NMRK1: variants seen among roughly 807,000 people sequenced by gnomAD.
NMRK1 encodes the protein nicotinamide riboside kinase 1, also known as NRK 1.
In NMRK1, 28 loss-of-function variants were observed where a neutral mutation model predicts 29.9. The ratio of observed to expected loss-of-function variants is 0.94; its 90% confidence interval spans 0.69 to 1.28. NMRK1 has a LOEUF of 1.28. NMRK1 is among the 50% of genes most tolerant of loss of function. The pLI is 0.00. For missense variants in NMRK1, 218 were observed against 233.1 expected (o/e 0.94, Z 0.42); for synonymous variants, 58 against 73.0 (o/e 0.79, Z 1.05).
In NMRK1 at chr9:75,062,639, T is replaced by C. The variant is rs1009418034; in HGVS notation, c.581-1072A>G. Among the ~76,000 whole-genome samples the C allele has an allele frequency of 2.0e-5, 3 of 152,240 alleles. No individual in the cohort carries two copies. The East Asian group carries it at 5.8e-4, about 29-fold the overall frequency. On this transcript the variant is annotated intron_variant, in intron 8 of 8. Transcript: ENST00000361092. ...TGCAGTCTTGTAAAAGACAGATTGA[T>C]GTGAACAGCAAAAAGACTGGATGTG...
chr9:75,078,321 C>T (rs754618780), intron 2 of NMRK1: 1 of 1,566,528 alleles, frequency 6.4e-7, no homozygotes, highest in Non-Finnish European at 8.7e-7. Context: ...TACAAGCCCA[C>T]CTACCATGAA....
Position 75,087,989 on chromosome 9 carries a change from C to A in NMRK1, c.-36+19G>T, listed in dbSNP as rs1824785664. 6.5e-6 allele frequency: 1 copy of A among 153,512 alleles called. No homozygotes were observed. The highest frequency in any genetic ancestry group is 1.4e-5 in the Non-Finnish European group (1 of 69,354). 9.5% of individuals were successfully genotyped at this position (153,512 alleles called of 1,614,324 possible). ...GCAAGGCGGCGCGGCGCGGCAGGGGCGAGCAGGTACGCACTCACCTGGCGC... is the reference window on the plus strand; with the variant it reads ...GCAAGGCGGCGCGGCGCGGCAGGGGAGAGCAGGTACGCACTCACCTGGCGC... On this transcript the variant is annotated intron_variant, in intron 1 of 8. Coordinates refer to ENST00000361092, the MANE Select transcript of NMRK1 (RefSeq NM_017881.3).
chr9:75,073,901 TTC>T (rs905360067), intron 4 of NMRK1, among the ~76,000 whole-genome samples: 5 of 152,142 alleles, frequency 3.3e-5, no homozygotes, highest in African/African-American at 2.4e-5. Context: ...AGTAACTCAT[TTC>T]TCTCTCTCTC....
intron 8 of NMRK1, among the ~76,000 whole-genome samples, chr9:75,066,547 G>T (rs745858539): frequency 1.1e-4 from 16 of 151,718 alleles, no homozygotes; most frequent in Non-Finnish European, 1.9e-4. Context: ...GTAACAAAGG[G>T]TACATGGTTT....
chr9:75,069,784 T>C lies in NMRK1; in HGVS notation c.347A>G (p.Tyr116Cys). 1.2e-6 allele frequency: 2 copies of C among 1,612,688 alleles called. No homozygotes were observed. ...TTCTTCATATGGAATAGTCAGGAAA[T>C]AGCTTCTATTCCATATAGTGTCAAG... is the stretch of plus-strand genomic sequence containing the variant. ...KPLDTIWNRSYFLTIPYEECK... is the reference protein window; with the variant it reads ...KPLDTIWNRSCFLTIPYEECK... The change falls in exon 6 of 9, where the codon TAT (tyrosine) becomes TGT (cysteine). Residue 116 changes from tyrosine (Y) to cysteine (C), a missense_variant. Coordinates refer to ENST00000361092, the MANE Select transcript of NMRK1 (RefSeq NM_017881.3).
intron 7 of NMRK1, 34 bp from the exon 8 acceptor site, chr9:75,066,874 A>T: frequency 8.4e-7 from 1 of 1,188,674 alleles, no homozygotes; most frequent in Non-Finnish European, 1.2e-6. Context: ...TTCAAATGCT[A>T]ACAGGCTTAT....
At position 75,066,257 on chromosome 9, in the gene NMRK1, C is replaced by T. The variant is rs762885387; in HGVS notation, c.580+500G>A. On this transcript the variant is annotated intron_variant, in intron 8 of 8. Coordinates refer to ENST00000361092, the MANE Select transcript of NMRK1 (RefSeq NM_017881.3). ...TCTTTCTGCTGTAGCCATATTTAGGCAGATCCCTGTCACTTGCAAACAGTG... is the reference window on the plus strand; with the variant it reads ...TCTTTCTGCTGTAGCCATATTTAGGTAGATCCCTGTCACTTGCAAACAGTG... 32 of 518,530 alleles carry T rather than the reference C, an allele frequency of 6.2e-5. 1 individual carries two copies. The highest frequency in any genetic ancestry group is 4.5e-4 in the South Asian group (32 of 71,470). 32.1% of individuals were successfully genotyped at this position (518,530 alleles called of 1,614,324 possible). A position where few individuals can be genotyped will look rare whatever the true frequency, so the allele number is the denominator to read the frequency against.
chr9:75,069,192 C>A, intron 6 of NMRK1, 90 bp from the exon 7 acceptor site: 1 of 893,642 alleles, frequency 1.1e-6, no homozygotes, highest in South Asian at 1.5e-5. Context: ...GGAAATCACT[C>A]AGAGGCTGAA....
intron 2 of NMRK1, among the ~76,000 whole-genome samples, chr9:75,081,228 C>G (rs17060796): frequency 0.063 from 9,558 of 152,260 alleles, 313 homozygotes; most frequent in South Asian, 0.096. Flanking sequence ...TCATAAGATG[C>G]AAGGCAGGAA....
intron 4 of NMRK1, 52 bp downstream of exon 4, chr9:75,077,107 G>T: frequency 8.7e-7 from 1 of 1,154,634 alleles, no homozygotes; most frequent in South Asian, 1.3e-5. Context: ...CTTTGGGTTT[G>T]AAAAAGAAAA....
chr9:75,070,283 C>T (rs1823625411), intron 4 of NMRK1, among the ~76,000 whole-genome samples: 2 of 152,132 alleles, frequency 1.3e-5, no homozygotes, highest in South Asian at 4.1e-4. Context: ...CAGTGAACTC[C>T]TAGGTCCCTA....
chr9:75,062,325 A>AT (rs1823070303), intron 8 of NMRK1, among the ~76,000 whole-genome samples: 1 of 147,922 alleles, frequency 6.8e-6, no homozygotes, highest in Admixed American at 6.7e-5. Flanking sequence ...ATGAGATTAT[A>AT]TTTTATATTT....
intron 2 of NMRK1, chr9:75,078,378 TG>T (rs1191795918): frequency 6.4e-7 from 1 of 1,569,208 alleles, no homozygotes; most frequent in Non-Finnish European, 8.6e-7. Flanking sequence ...TCTCTCCACC[TG>T]GGGGCCAGCT....
At position 75,069,983 on chromosome 9, in the gene NMRK1, C is replaced by A. The variant is rs140000460; in HGVS notation, c.229G>T (p.Ala77Ser). Reference protein sequence around the residue: ...MSAISCWMESARHSVVSTDQE... With the variant: ...MSAISCWMESSRHSVVSTDQE... ...TCTGTTGATACCACAGAGTGTCTTGCGCTTTCCATCCAGCAGGAAATGGCT... is the reference window on the plus strand; with the variant it reads ...TCTGTTGATACCACAGAGTGTCTTGAGCTTTCCATCCAGCAGGAAATGGCT... The change falls in exon 5 of 9, where the codon GCA becomes TCA. Residue 77 changes from alanine to serine, a missense_variant. Ala to Ser is a moderately conservative substitution (Grantham distance 99, BLOSUM62 1). Transcript: ENST00000361092. The A allele has an allele frequency of 2.1e-5, 34 of 1,613,678 alleles. No homozygotes were observed. Among genetic ancestry groups the A allele is most frequent in the African/African-American group, 6.7e-5 (5 of 74,904 alleles).
chr9:75,064,194 T>C (rs1383906195), intron 8 of NMRK1, among the ~76,000 whole-genome samples: 1 of 152,150 alleles, frequency 6.6e-6, no homozygotes, highest in Non-Finnish European at 1.5e-5. Flanking sequence ...CTGAGCTACA[T>C]GACAAAGGCT....
intron 8 of NMRK1, chr9:75,066,182 A>G (rs1188629348): frequency 4.2e-6 from 2 of 479,052 alleles, no homozygotes; most frequent in East Asian, 5.6e-5. Flanking sequence ...AACACTAGGC[A>G]TAAATGAGTT....
Position 75,086,923 on chromosome 9 carries a change from T to TTC in NMRK1, c.-36+1084_-36+1085insGA, listed in dbSNP as rs1302406582. 2.0e-5 allele frequency among the ~76,000 whole-genome samples: 3 copies of TTC among 151,916 alleles called. No homozygotes were observed. In the East Asian group the frequency reaches 5.8e-4, roughly 29 times the overall value. On this transcript the variant is annotated intron_variant, in intron 1 of 8. Coordinates refer to ENST00000361092, the MANE Select transcript of NMRK1 (RefSeq NM_017881.3). ...TCAAGGCTGGGTTTTTTTTTTTTTT[T>TTC]TAAGACAGAGTCTCGCTCTGTTGCC...
chr9:75,082,926 G>A (rs987387704), intron 2 of NMRK1, 161 bp downstream of exon 2: 4 of 606,140 alleles, frequency 6.6e-6, no homozygotes, highest in Non-Finnish European at 9.0e-6. Flanking sequence ...TCTCTTGTTG[G>A]CATTTATGAA....
At chr9:75,076,841 C>T (rs1288294211) in intron 4 of NMRK1, among the ~76,000 whole-genome samples, 3 of 152,168 alleles carry the variant, frequency 2.0e-5, no homozygotes, top group South Asian at 2.1e-4. Context: ...GATCTGCCTG[C>T]CTCGGCCTTC....
Sources: allele counts gnomAD v4.1 joint callset (sites outside exome capture counted in the v4.1 genomes callset), GRCh38; gene constraint gnomAD v4.1.1; transcripts MANE v1.5; gene names NCBI Gene and HGNC (gene_info 2026-07-23, HGNC 2026-07-21).